Variants in UGT8 observed in about 807,000 individuals in gnomAD.
UGT8 encodes the protein UDP glycosyltransferase 8.
UGT8 carries 12 observed loss-of-function variants against 40.5 expected under a neutral mutation model. The observed-to-expected ratio is 0.30, with a 90% CI of 0.19 to 0.48. The LOEUF (loss-of-function observed/expected upper bound fraction) is 0.48, where lower values mean the gene tolerates loss of function less well. Ranked by LOEUF, UGT8 falls within the 20% of genes least tolerant of loss-of-function variation. UGT8 has a pLI of 0.99. For synonymous variants in UGT8, 224 were observed against 240.4 expected (o/e 0.93, Z 0.63); for missense variants, 513 against 648.7 (o/e 0.79, Z 2.27).
intron 1 of UGT8, among the ~76,000 whole-genome samples, chr4:114,607,766 T>C (rs1487999782): frequency 1.3e-5 from 2 of 152,176 alleles, no homozygotes; most frequent in African/African-American, 4.8e-5. Context: ...CTATTCCTAA[T>C]TGATCACTAT....
At chr4:114,664,229 T>G in intron 3 of UGT8, 92 bp downstream of exon 3, 2 of 1,408,180 alleles carry the variant, frequency 1.4e-6, no homozygotes, top group Non-Finnish European at 1.9e-6. Flanking sequence ...GCACATTGTT[T>G]CCCTGACAAG....
At chr4:114,604,077 C>A (rs1048935592) in intron 1 of UGT8, among the ~76,000 whole-genome samples, 2 of 152,138 alleles carry the variant, frequency 1.3e-5, no homozygotes, top group African/African-American at 2.4e-5. Flanking sequence ...GCCTCAAGAG[C>A]GTTGCAGAGA....
intron 1 of UGT8, among the ~76,000 whole-genome samples, chr4:114,602,103 T>G (rs1730478554): frequency 6.6e-6 from 1 of 152,130 alleles, no homozygotes; most frequent in African/African-American, 2.4e-5. Flanking sequence ...TAGAAAAAAT[T>G]TGTGTATGAG....
intron 2 of UGT8, among the ~76,000 whole-genome samples, chr4:114,649,905 A>T (rs1332138277): frequency 6.6e-6 from 1 of 152,108 alleles, no homozygotes; most frequent in Non-Finnish European, 1.5e-5. Context: ...GTGTTTTTTC[A>T]CTTTGAGAAG....
intron 2 of UGT8, among the ~76,000 whole-genome samples, chr4:114,628,531 TAA>T (rs1035646078): frequency 2.0e-5 from 3 of 151,758 alleles, no homozygotes; most frequent in African/African-American, 7.3e-5. Context: ...AATTGTGAAC[TAA>T]AATAGTCTTT....
intron 2 of UGT8, among the ~76,000 whole-genome samples, chr4:114,639,739 C>T (rs958789721): frequency 2.6e-5 from 4 of 152,322 alleles, no homozygotes; most frequent in South Asian, 4.1e-4. Context: ...TTTCTCAGAA[C>T]TTCAACTTAT....
Position 114,623,534 on chromosome 4 carries a change from A to G in UGT8, c.654A>G (p.Ile218Met), listed in dbSNP as rs775484028. ...TGGTTCTTCCCAAATATGAAAGGAT[A>G]ATGCAGAAGTACAACCTGCTGCCAG... ...SFLVLPKYER[I>M]MQKYNLLPEK... Residue 218 changes from isoleucine to methionine, a missense_variant, in exon 2 of 6, where the codon ATA becomes ATG. Coordinates refer to ENST00000310836, the MANE Select transcript of UGT8 (RefSeq NM_001128174.3). The G allele has an allele frequency of 1.9e-6, 3 of 1,614,134 alleles. No homozygotes were observed. The highest frequency in any genetic ancestry group is 2.5e-6 in the Non-Finnish European group (3 of 1,180,012).
intron 2 of UGT8, among the ~76,000 whole-genome samples, chr4:114,624,617 A>G (rs1217049507): frequency 2.0e-5 from 3 of 152,188 alleles, no homozygotes; most frequent in Admixed American, 6.6e-5. Flanking sequence ...GGTACTACAT[A>G]TTAAAAATTC....
intron 1 of UGT8, 199 bp from the exon 2 acceptor site, chr4:114,622,680 G>A: frequency 2.0e-6 from 1 of 509,476 alleles, no homozygotes; most frequent in Non-Finnish European, 3.5e-6. Context: ...GCATTTCTCT[G>A]ATGGCCAGTG....
At chr4:114,614,102 G>A (rs10034697) in intron 1 of UGT8, among the ~76,000 whole-genome samples, 93,211 of 152,028 alleles carry the variant, frequency 0.61, 30,780 homozygotes, top group East Asian at 0.81. Context: ...ACTGATAAGC[G>A]AATAGGGTTG....
At chr4:114,616,445 G>T (rs1198715253) in intron 1 of UGT8, among the ~76,000 whole-genome samples, 1 of 152,190 alleles carries the variant, frequency 6.6e-6, no homozygotes, top group African/African-American at 2.4e-5. Context: ...TAAGACCGTT[G>T]GAAAAGTGCA....
intron 5 of UGT8, among the ~76,000 whole-genome samples, chr4:114,670,623 G>A (rs1735201889): frequency 6.6e-6 from 1 of 151,940 alleles, no homozygotes; most frequent in Admixed American, 6.6e-5. Flanking sequence ...ATCCCTTCAT[G>A]TAAAAAACTC....
intron 2 of UGT8, among the ~76,000 whole-genome samples, chr4:114,632,056 C>CT (rs1732613004): frequency 6.6e-6 from 1 of 152,230 alleles, no homozygotes; most frequent in Non-Finnish European, 1.5e-5. Context: ...GAACTAATAA[C>CT]TTTCAACTCT....
Position 114,598,925 on chromosome 4 carries a change from T to C in UGT8, c.-52T>C, listed in dbSNP as rs2126079475. The C allele has an allele frequency of 6.6e-6, 1 of 151,996 alleles. No individual in the cohort carries two copies. The highest frequency in any genetic ancestry group is 1.5e-5 in the Non-Finnish European group (1 of 68,030). The allele number at this position is 151,996 out of a possible 1,614,324, so 9.4% of individuals were successfully genotyped here. On this transcript the variant is annotated 5_prime_UTR_variant, in exon 1 of 6. Coordinates refer to ENST00000310836, the MANE Select transcript of UGT8 (RefSeq NM_001128174.3). ...CAGGTCCCTTCTGTCCCGGATACAATTACGCGGCAGACACACACTCAAACT... is the reference window on the plus strand; with the variant it reads ...CAGGTCCCTTCTGTCCCGGATACAACTACGCGGCAGACACACACTCAAACT...
At chr4:114,675,823 G>A (rs2126142340) in intron 5 of UGT8, 102 bp from the exon 6 acceptor site, 1 of 1,323,000 alleles carries the variant, frequency 7.6e-7, no homozygotes, top group Non-Finnish European at 1.0e-6. Flanking sequence ...ACTTACTAAA[G>A]AATAGTTGTT....
intron 2 of UGT8, among the ~76,000 whole-genome samples, chr4:114,647,843 C>G (rs185921484): frequency 1.3e-5 from 2 of 152,300 alleles, no homozygotes; most frequent in East Asian, 3.9e-4. Context: ...TCTTAGGCAT[C>G]ACCTTGCCTC....
At chr4:114,620,760 G>A (rs1193748604) in intron 1 of UGT8, among the ~76,000 whole-genome samples, 1 of 152,124 alleles carries the variant, frequency 6.6e-6, no homozygotes, top group African/African-American at 2.4e-5. Flanking sequence ...CTTGTTATTG[G>A]AAGAATCTAT....
chr4:114,645,683 C>T (rs1038414276), intron 2 of UGT8, among the ~76,000 whole-genome samples: 3 of 152,102 alleles, frequency 2.0e-5, no homozygotes, highest in Non-Finnish European at 2.9e-5. Context: ...AAGAAGTAGT[C>T]ATCGAATATA....
chr4:114,645,243 A>G (rs1294212908), intron 2 of UGT8, among the ~76,000 whole-genome samples: 1 of 152,208 alleles, frequency 6.6e-6, no homozygotes, highest in Non-Finnish European at 1.5e-5. Context: ...TCTTTAAAAC[A>G]ATCCCAGTGG....
Sources: allele counts gnomAD v4.1 joint callset (sites outside exome capture counted in the v4.1 genomes callset), GRCh38; gene constraint gnomAD v4.1.1; transcripts MANE v1.5; gene names NCBI Gene and HGNC (gene_info 2026-07-23, HGNC 2026-07-21).